The following BNC2 variants were observed in gnomAD, a reference collection of about 807,000 sequenced individuals.
BNC2 encodes the protein basonuclin zinc finger protein 2.
In BNC2, 20 loss-of-function variants were observed where a neutral mutation model predicts 76.3. The ratio of observed to expected loss-of-function variants is 0.26; its 90% CI spans 0.18 to 0.38. The LOEUF (loss-of-function observed/expected upper bound fraction) is 0.38. Among genes scored for constraint, BNC2 ranks in the 10% least tolerant of loss-of-function variants. The pLI is 1.00. For synonymous variants in BNC2, 582 were observed against 514.8 expected (o/e 1.13, Z -1.77); for missense variants, 1,382 against 1,399.8 (o/e 0.99, Z 0.20).
rs558181927 is a variant in BNC2 at position 16,685,493 on chromosome 9, C to G, written c.330+42304G>C. Reference sequence around the variant, plus strand: ...GATATACCCAAATGGCTTTCCAGGACCACTGTTTCTGTCACACCACCCCTA... The same window carrying G: ...GATATACCCAAATGGCTTTCCAGGAGCACTGTTTCTGTCACACCACCCCTA... On this transcript the variant is annotated intron_variant, in intron 3 of 6. Transcript: ENST00000380672. The G allele has an allele frequency of 1.1e-5, 13 of 1,175,264 alleles. No individual in the cohort carries two copies. In the African/African-American group the frequency reaches 1.7e-4, roughly 16 times the overall value. The allele number at this position is 1,175,264 out of a possible 1,614,324, so 72.8% of individuals were successfully genotyped here. A position where few individuals can be genotyped will look rare whatever the true frequency, so the allele number is the denominator to read the frequency against.
intron 3 of BNC2, among the ~76,000 whole-genome samples, chr9:16,604,572 G>A (rs1336119401): frequency 6.6e-6 from 1 of 152,240 alleles, no homozygotes; most frequent in East Asian, 1.9e-4. Context: ...TGAGCTGGGT[G>A]GATCACTTGA....
intron 3 of BNC2, among the ~76,000 whole-genome samples, chr9:16,643,519 A>G (rs1001306135): frequency 1.1e-4 from 16 of 152,138 alleles, no homozygotes; most frequent in African/African-American, 3.4e-4. Flanking sequence ...ATATCCACGC[A>G]TAGCCCCCTC....
intron 1 of BNC2, among the ~76,000 whole-genome samples, chr9:16,777,464 G>C (rs937763765): frequency 1.3e-5 from 2 of 152,060 alleles, no homozygotes; most frequent in African/African-American, 4.8e-5. Flanking sequence ...ACTTTAGGAG[G>C]CCGAGGCAGG....
At chr9:16,720,130 C>A (rs191787088) in intron 3 of BNC2, among the ~76,000 whole-genome samples, 2 of 152,220 alleles carry the variant, frequency 1.3e-5, no homozygotes. Context: ...AAGAACCCTT[C>A]TACAGCAACA....
chr9:16,639,723 C>G (rs1480490316), intron 3 of BNC2, among the ~76,000 whole-genome samples: 1 of 152,102 alleles, frequency 6.6e-6, no homozygotes, highest in Non-Finnish European at 1.5e-5. Flanking sequence ...TTCAGACCAG[C>G]CTCGGCAACA....
intron 3 of BNC2, among the ~76,000 whole-genome samples, chr9:16,721,083 G>C (rs1274326941): frequency 6.6e-6 from 1 of 152,084 alleles, no homozygotes; most frequent in Non-Finnish European, 1.5e-5. Flanking sequence ...TACAGGTCAG[G>C]CTCAATGAGG....
intron 3 of BNC2, among the ~76,000 whole-genome samples, chr9:16,625,274 G>A (rs1820962748): frequency 6.6e-6 from 1 of 152,128 alleles, no homozygotes; most frequent in South Asian, 2.1e-4. Context: ...AATGAAATAT[G>A]TTTAGTCCTG....
chr9:16,865,371 T>C (rs1206770630), intron 1 of BNC2, among the ~76,000 whole-genome samples: 1 of 152,166 alleles, frequency 6.6e-6, no homozygotes, highest in East Asian at 1.9e-4. Context: ...AGTTCTAGTC[T>C]TTAGTGAACG....
intron 3 of BNC2, among the ~76,000 whole-genome samples, chr9:16,720,751 A>G (rs1376481245): frequency 6.6e-6 from 1 of 152,200 alleles, no homozygotes; most frequent in African/African-American, 2.4e-5. Context: ...AAACTAGCCA[A>G]TTTGAGTAAT....
chr9:16,428,638 T>G (rs1192311007), intron 6 of BNC2, among the ~76,000 whole-genome samples: 2 of 152,330 alleles, frequency 1.3e-5, no homozygotes, highest in Admixed American at 1.3e-4. Flanking sequence ...GAGGCATCGC[T>G]TACATATATT....
At chr9:16,611,490 T>C (rs1005316029) in intron 3 of BNC2, among the ~76,000 whole-genome samples, 5 of 152,098 alleles carry the variant, frequency 3.3e-5, no homozygotes, top group African/African-American at 9.7e-5. Context: ...AAAATCCAGG[T>C]TCCCAAGCAG....
At chr9:16,595,359 T>G (rs942582739) in intron 3 of BNC2, among the ~76,000 whole-genome samples, 1 of 152,164 alleles carries the variant, frequency 6.6e-6, no homozygotes, top group African/African-American at 2.4e-5. Flanking sequence ...ATAATAGTGA[T>G]ATGATGAACA....
intron 1 of BNC2, among the ~76,000 whole-genome samples, chr9:16,790,811 G>A (rs931501851): frequency 8.6e-6 from 1 of 116,044 alleles, no homozygotes; most frequent in African/African-American, 3.3e-5. Context: ...ACATTCCCTT[G>A]GTAAGCTTTT....
intron 1 of BNC2, among the ~76,000 whole-genome samples, chr9:16,746,637 T>C (rs532163183): frequency 3.3e-5 from 5 of 150,872 alleles, no homozygotes; most frequent in African/African-American, 1.2e-4. Flanking sequence ...AGTGCTGGGA[T>C]TGCAGGCGTG....
chr9:16,801,173 T>C (rs989170484), intron 1 of BNC2, among the ~76,000 whole-genome samples: 5 of 152,216 alleles, frequency 3.3e-5, no homozygotes, highest in East Asian at 3.9e-4. Context: ...GTAAGTCTTT[T>C]TGTGACCTTC....
intron 5 of BNC2, among the ~76,000 whole-genome samples, chr9:16,477,244 G>A (rs1329817783): frequency 1.3e-5 from 2 of 152,140 alleles, no homozygotes; most frequent in Non-Finnish European, 2.9e-5. Context: ...GGGTGACAGA[G>A]CAACACACTG....
chr9:16,634,490 A>G (rs1821256967), intron 3 of BNC2, among the ~76,000 whole-genome samples: 1 of 147,004 alleles, frequency 6.8e-6, no homozygotes, highest in Non-Finnish European at 1.5e-5. Flanking sequence ...CTATAATTAG[A>G]CCTTCAAATA....
Position 16,476,935 on chromosome 9 carries a change from T to C in BNC2, c.670-39411A>G, listed in dbSNP as rs577864845. Among the ~76,000 whole-genome samples the C allele has an allele frequency of 3.9e-5, 6 of 152,046 alleles. No individual in the cohort carries two copies. In the South Asian group the frequency reaches 8.3e-4, roughly 21 times the overall value. On this transcript the variant is annotated intron_variant, in intron 5 of 6. Coordinates refer to ENST00000380672, the MANE Select transcript of BNC2 (RefSeq NM_017637.6). ...TGTGTCTGTGGTAGGGAAAGAACAT[T>C]AGCAGGGAGGGTGTCAGAAGTAATG... is the stretch of plus-strand genomic sequence containing the variant.
intron 1 of BNC2, among the ~76,000 whole-genome samples, chr9:16,766,837 G>C (rs1422533951): frequency 6.6e-6 from 1 of 152,188 alleles, no homozygotes; most frequent in Non-Finnish European, 1.5e-5. Context: ...AGGGGCTTTA[G>C]AGTGGGCTCT....
Sources: allele counts gnomAD v4.1 joint callset (sites outside exome capture counted in the v4.1 genomes callset), GRCh38; gene constraint gnomAD v4.1.1; transcripts MANE v1.5; gene names NCBI Gene and HGNC (gene_info 2026-07-23, HGNC 2026-07-21).